The following PCDH15 variants were observed in gnomAD, a reference collection of about 807,000 sequenced individuals.
PCDH15 encodes protocadherin-15.
Under a neutral mutation model 178.5 loss-of-function variants are expected in PCDH15, and 129 were observed. The observed-to-expected ratio is 0.72, with a 90% CI of 0.63 to 0.84. The LOEUF (loss-of-function observed/expected upper bound fraction) is 0.84, where lower values mean the gene tolerates loss of function less well. PCDH15 is among the 40% of genes least tolerant of loss of function. The pLI is 0.00. For missense variants in PCDH15, 2,230 were observed against 2,099.9 expected, an observed-to-expected ratio of 1.06 and a Z score of -1.21; for synonymous variants, 800 against 732.0, an observed-to-expected ratio of 1.09 and a Z score of -1.50.
chr10:54,774,801 A>G (rs912086232), intron 1 of PCDH15, among the ~76,000 whole-genome samples: 1 of 152,176 alleles, frequency 6.6e-6, no homozygotes, highest in African/African-American at 2.4e-5. Flanking sequence ...GTAAGTCATT[A>G]TTAGGGGCTT....
intron 3 of PCDH15, among the ~76,000 whole-genome samples, chr10:54,428,088 T>A (rs1956513913): frequency 6.6e-6 from 1 of 152,220 alleles, no homozygotes; most frequent in South Asian, 2.1e-4. Context: ...ATCATCCAGA[T>A]CCCATCTTCA....
At chr10:54,495,038 T>C (rs767247787) in intron 3 of PCDH15, among the ~76,000 whole-genome samples, 1 of 152,134 alleles carries the variant, frequency 6.6e-6, no homozygotes, top group African/African-American at 2.4e-5. Flanking sequence ...ATACAGATAA[T>C]ATTTTGTATT....
At chr10:54,419,562 G>C (rs2135785301) in intron 3 of PCDH15, among the ~76,000 whole-genome samples, 1 of 152,076 alleles carries the variant, frequency 6.6e-6, no homozygotes, top group Non-Finnish European at 1.5e-5. Context: ...GTGGATTTCT[G>C]TTCCACCTCA....
chr10:55,594,392 C>G (rs1354623523), intron 2 of PCDH15, among the ~76,000 whole-genome samples: 1 of 151,696 alleles, frequency 6.6e-6, no homozygotes, highest in East Asian at 1.9e-4. Flanking sequence ...GAAAGGAAAA[C>G]TAAAATCACA....
chr10:55,112,618 C>T (rs117937309), intron 2 of PCDH15, among the ~76,000 whole-genome samples: 3,533 of 152,144 alleles, frequency 0.023, 56 homozygotes, highest in Middle Eastern at 0.065. Context: ...ACCAGTAAGG[C>T]GCAGTTCTTC....
intron 27 of PCDH15, among the ~76,000 whole-genome samples, chr10:53,858,564 G>A (rs1271109616): frequency 6.6e-6 from 1 of 152,150 alleles, no homozygotes; most frequent in African/African-American, 2.4e-5. Flanking sequence ...TTTGTAAAAT[G>A]TTTGCAACTA....
chr10:55,032,688 T>C (rs1591847158), intron 2 of PCDH15, among the ~76,000 whole-genome samples: 2 of 152,262 alleles, frequency 1.3e-5, no homozygotes, highest in Non-Finnish European at 1.5e-5. Context: ...TACTATTAGA[T>C]AAGGAGACTA....
chr10:55,588,865 C>A lies in PCDH15; in HGVS notation c.-156+38760G>T, dbSNP rs187303844. On this transcript the variant is annotated intron_variant, in intron 2 of 5. Coordinates refer to the PCDH15 transcript ENST00000613346. ...TGGAGGCCGAGGTGGGTGGATCACCCGAGGTTGGGAGTTTGAGACCAGCCT... is the reference window on the plus strand; with the variant it reads ...TGGAGGCCGAGGTGGGTGGATCACCAGAGGTTGGGAGTTTGAGACCAGCCT... Among the ~76,000 whole-genome samples, 35 of 151,884 alleles carry A rather than the reference C, an allele frequency of 2.3e-4. No individual in the cohort carries two copies. The South Asian group carries it at 6.6e-3, about 29-fold the overall frequency.
intron 6 of PCDH15, among the ~76,000 whole-genome samples, chr10:54,334,682 A>AACACACACACAC (rs3069761): frequency 5.9e-4 from 88 of 150,160 alleles, no homozygotes; most frequent in Non-Finnish European, 1.0e-3. Flanking sequence ...ATTTCTAAAG[A>AACACACACACAC]ACACACACAC....
At chr10:54,884,481 G>GTA (rs1491413758) in intron 3 of PCDH15, among the ~76,000 whole-genome samples, 1 of 5,798 alleles carries the variant, frequency 1.7e-4, no homozygotes, top group Non-Finnish European at 3.3e-4. Flanking sequence ...ACTAAGATAG[G>GTA]TGTGTGTGTG....
At chr10:55,031,904 C>G (rs1339213610) in intron 2 of PCDH15, among the ~76,000 whole-genome samples, 1 of 152,084 alleles carries the variant, frequency 6.6e-6, no homozygotes, top group Admixed American at 6.6e-5. Context: ...CACACACACA[C>G]AAATGAACTA....
chr10:53,848,504 G>A (rs765803110), intron 28 of PCDH15, among the ~76,000 whole-genome samples: 4 of 151,852 alleles, frequency 2.6e-5, no homozygotes, highest in South Asian at 2.1e-4. Flanking sequence ...AAGATTAACC[G>A]CTCAATCTTT....
At chr10:55,561,733 C>CTGT (rs1445425055) in intron 2 of PCDH15, among the ~76,000 whole-genome samples, 1 of 151,690 alleles carries the variant, frequency 6.6e-6, no homozygotes, top group Non-Finnish European at 1.5e-5. Flanking sequence ...GGAGAGCAGC[C>CTGT]TGTTTTTCCA....
chr10:54,055,523 C>T (rs2093867263), intron 18 of PCDH15, among the ~76,000 whole-genome samples: 1 of 152,100 alleles, frequency 6.6e-6, no homozygotes, highest in Non-Finnish European at 1.5e-5. Flanking sequence ...AGCATTTATG[C>T]CCAGGGTTGC....
chr10:54,224,119 G>T lies in PCDH15; in HGVS notation c.986-10071C>A, dbSNP rs375186435. ...TAAGCTGATTAACACAGAAATAAAA[G>T]AGAACACTGTCTTCTGGGTGCCATG... On this transcript the variant is annotated intron_variant, in intron 9 of 37. Coordinates refer to ENST00000644397, the MANE Select transcript of PCDH15 (RefSeq NM_001384140.1). Among the ~76,000 whole-genome samples the T allele has an allele frequency of 4.6e-5, 7 of 152,164 alleles. No individual in the cohort carries two copies. The South Asian group carries it at 1.4e-3, about 32-fold the overall frequency.
chr10:54,570,935 G>A (rs570481969), intron 2 of PCDH15, among the ~76,000 whole-genome samples: 73 of 151,782 alleles, frequency 4.8e-4, no homozygotes, highest in Non-Finnish European at 9.4e-4. Flanking sequence ...CAAAGTGCTG[G>A]GATTACAGGT....
chr10:55,400,637 C>T (rs1838039616), intron 2 of PCDH15, among the ~76,000 whole-genome samples: 1 of 152,264 alleles, frequency 6.6e-6, no homozygotes, highest in South Asian at 2.1e-4. Flanking sequence ...TATGCACATT[C>T]CCAGCTGAAG....
intron 1 of PCDH15, among the ~76,000 whole-genome samples, chr10:55,223,036 G>A (rs1163132342): frequency 6.6e-6 from 1 of 151,950 alleles, no homozygotes; most frequent in African/African-American, 2.4e-5. Context: ...AGTGCTTTCT[G>A]CAATGATGGG....
chr10:54,603,498 T>A (rs1019453896), intron 2 of PCDH15, among the ~76,000 whole-genome samples: 20 of 151,916 alleles, frequency 1.3e-4, no homozygotes, highest in African/African-American at 4.8e-4. Context: ...TTTCTTTTTT[T>A]TTTTCTTCCT....
Sources: gnomAD v4.1 joint callset for allele counts (sites outside exome capture counted in the v4.1 genomes callset) on GRCh38, gnomAD v4.1.1 for gene constraint, MANE v1.5 for transcripts, NCBI Gene and HGNC (gene_info 2026-07-23, HGNC 2026-07-21) for gene names.